MEGF6: variants seen among roughly 807,000 people sequenced by gnomAD.
MEGF6 encodes the protein multiple epidermal growth factor-like domains protein 6.
MEGF6 carries 184 observed loss-of-function variants against 207.1 expected under a neutral mutation model. The observed-to-expected ratio is 0.89, with a 90% CI of 0.79 to 1.00. MEGF6 has a LOEUF of 1.00. MEGF6 is among the 50% of genes least tolerant of loss of function. The pLI is 0.00. For missense variants in MEGF6, 2,282 were observed against 2,202.9 expected (o/e 1.04, Z -0.72); for synonymous variants, 1,038 against 910.0 (o/e 1.14, Z -2.53).
chr1:3,580,646 C>T (rs1002762813), intron 3 of MEGF6, among the ~76,000 whole-genome samples: 8 of 152,090 alleles, frequency 5.3e-5, no homozygotes. Flanking sequence ...CAGCAGGTGC[C>T]CCCCAGGCTG....
At chr1:3,616,718 CA>C in the MEGF6 span, among the ~76,000 whole-genome samples, 4 of 152,174 alleles carry the variant, frequency 2.6e-5, no homozygotes, top group African/African-American at 9.7e-5. Flanking sequence ...GAATTTGCCC[CA>C]AAAGAGAAAG....
chr1:3,548,875 C>A (rs1347326319), intron 4 of MEGF6, among the ~76,000 whole-genome samples: 2 of 152,164 alleles, frequency 1.3e-5, no homozygotes, highest in Admixed American at 6.5e-5. Context: ...CTTCAGGGAC[C>A]CCCCCACACC....
intron 9 of MEGF6, 61 bp downstream of exon 9, chr1:3,511,488 AC>A (rs1641342200): frequency 6.5e-7 from 1 of 1,538,798 alleles, no homozygotes; most frequent in South Asian, 1.2e-5. Context: ...CTGATCCCAG[AC>A]CCAGGGCAGC....
At chr1:3,525,952 C>T (rs1304542128) in intron 4 of MEGF6, among the ~76,000 whole-genome samples, 23 of 152,206 alleles carry the variant, frequency 1.5e-4, no homozygotes, top group Admixed American at 1.5e-3. Context: ...GCTTCCTGGA[C>T]ACCTGTGTGT....
Position 3,560,495 on chromosome 1 carries a change from G to T in MEGF6, c.481+19330C>A, listed in dbSNP as rs1372354493. On this transcript the variant is annotated intron_variant, in intron 4 of 36. Transcript: ENST00000356575. The surrounding 1 kb of genome is among the most constrained non-coding windows in gnomAD (Gnocchi z 4.0). ...CTCCTTCCTCACCCCTGGCACCTCT[G>T]CTGTCTCTACGGTGTGGCCTTTCCC... Among the ~76,000 whole-genome samples the T allele has an allele frequency of 1.3e-5, 2 of 152,166 alleles. No homozygotes were observed. Among genetic ancestry groups the T allele is most frequent in the African/African-American group, 4.8e-5 (2 of 41,432 alleles).
chr1:3,506,113 T>C lies in MEGF6; in HGVS notation c.1913A>G (p.His638Arg), dbSNP rs1223368493. Residue 638 changes from histidine (H) to arginine (R), a missense_variant, in exon 15 of 37, where the codon CAC becomes CGC. His to Arg is a conservative substitution (Grantham distance 29, BLOSUM62 0). Transcript: ENST00000356575. ...CDPGLYGRFC[H>R]LTCPPWAFGP... is the part of the protein sequence containing the mutation. The stretch of plus-strand genomic sequence containing the variant: ...GAAGGGGCAGTGAGACTCACTGAGG[T>C]GGCAGAAGCGGCCGTAGAGCCCTGG... The C allele has an allele frequency of 3.1e-6, 5 of 1,591,180 alleles. No individual in the cohort carries two copies. The highest frequency in any genetic ancestry group is 4.3e-6 in the Non-Finnish European group (5 of 1,169,378).
rs190119812 is a variant in MEGF6, at chr1:3,494,239, G to A, written c.4130-115C>T. The A allele has an allele frequency of 1.5e-5, 22 of 1,468,618 alleles. 1 individual carries two copies. Among genetic ancestry groups the A allele is most frequent in the African/African-American group, 1.1e-4 (8 of 70,852 alleles). The allele number at this position is 1,468,618 out of a possible 1,614,324, so 91.0% of individuals were successfully genotyped here. ...GCCCGAGAAAAGCCCCCTCCTGCCCGTCCTCGTCCCTCCCCACTGCTGCTG... is the reference window on the plus strand; with the variant it reads ...GCCCGAGAAAAGCCCCCTCCTGCCCATCCTCGTCCCTCCCCACTGCTGCTG... On this transcript the variant is annotated intron_variant, in intron 32 of 36. Coordinates refer to ENST00000356575, the MANE Select transcript of MEGF6 (RefSeq NM_001409.4).
intron 4 of MEGF6, among the ~76,000 whole-genome samples, chr1:3,535,735 C>T (rs1642308089): frequency 6.6e-6 from 1 of 152,236 alleles, no homozygotes; most frequent in African/African-American, 2.4e-5. Flanking sequence ...TTCGCTAAGC[C>T]AGTTTCCAGA....
At position 3,497,134 on chromosome 1, in the gene MEGF6, G is replaced by T; in HGVS notation, c.3482-15C>A. ...GGGTGGGCAGGCTGGGTGGAGACAG[G>T]CAGGGTCGGTCCTGGCCCAGCCCCG... On this transcript the variant is annotated splice_polypyrimidine_tract_variant and intron_variant, in intron 27 of 36. Transcript: ENST00000356575. 1 of 1,568,060 alleles carries T rather than the reference G, an allele frequency of 6.4e-7. No individual in the cohort carries two copies.
chr1:3,538,696 C>CTGTGTGTG (rs57325073), intron 4 of MEGF6, among the ~76,000 whole-genome samples: 2,302 of 132,046 alleles, frequency 0.017, 43 homozygotes, highest in Admixed American at 0.027. Flanking sequence ...GAGCATGTGC[C>CTGTGTGTG]TGTGTGTGTG....
In MEGF6 at chr1:3,505,264, C is replaced by T. The variant is rs1307723731; in HGVS notation, c.2132G>A (p.Ser711Asn). Residue 711 changes from serine (S) to asparagine (N), a missense_variant, in exon 17 of 37, where the codon AGC (serine) becomes AAC (asparagine). By Grantham distance (46) the Ser-to-Asn change is conservative (BLOSUM62 1). Transcript: ENST00000356575. The part of the protein sequence containing the change: ...CPVGVACDSV[S>N]GECGKRCPAG... ...AGGACACCGCTTCCCACACTCGCCG[C>T]TCACGGAGTCACAGGCCACGCCCAC... The T allele has an allele frequency of 6.2e-7, 1 of 1,612,446 alleles. No homozygotes were observed. Among genetic ancestry groups the T allele is most frequent in the Non-Finnish European group, 8.5e-7 (1 of 1,179,884 alleles).
In MEGF6 at chr1:3,492,679, A is replaced by G. The variant is rs1241244795; in HGVS notation, c.4476T>C (p.Cys1492=). The G allele has an allele frequency of 1.2e-6, 2 of 1,612,504 alleles. No homozygotes were observed. Among genetic ancestry groups the G allele is most frequent in the African/African-American group, 2.7e-5 (2 of 74,886 alleles). The part of the protein sequence containing the change: ...GADCDPVSGQ[C]HCVDGYMGPT... ...GCCCCATGTAGCCATCCACACAGTG[A>G]CACTGCCCACTGACAGGGTCGCAGT... Residue 1492 remains cysteine (C), a synonymous_variant, in exon 35 of 37, where the codon TGT becomes TGC. Transcript: ENST00000356575.
intron 4 of MEGF6, among the ~76,000 whole-genome samples, chr1:3,548,528 G>T (rs1642788182): frequency 6.6e-6 from 1 of 152,234 alleles, no homozygotes; most frequent in Non-Finnish European, 1.5e-5. Context: ...TCAGAGCCAA[G>T]GTGCCCAGGG....
chr1:3,541,085 A>G (rs1371991284), intron 4 of MEGF6, among the ~76,000 whole-genome samples: 1 of 152,122 alleles, frequency 6.6e-6, no homozygotes, highest in Non-Finnish European at 1.5e-5. Flanking sequence ...GGGGCCCTGG[A>G]CTTCAAAGGG....
At chr1:3,562,163 G>C (rs1643221274) in intron 4 of MEGF6, among the ~76,000 whole-genome samples, 1 of 152,114 alleles carries the variant, frequency 6.6e-6, no homozygotes, top group South Asian at 2.1e-4. Flanking sequence ...GTCTCTTTTT[G>C]TGTCTCTCTC....
In MEGF6 at chr1:3,501,708, A is replaced by C. The variant is rs1340147735; in HGVS notation, c.2314+88T>G. ...TGCTATAGACGGGCCTGGGATCCGC[A>C]GGGCTGGGGCCCCCACAGTTCAGGG... On this transcript the variant is annotated intron_variant, in intron 18 of 36. Transcript: ENST00000356575. 4.0e-6 allele frequency: 6 copies of C among 1,502,034 alleles called. No individual in the cohort carries two copies. In the East Asian group the frequency reaches 1.2e-4, roughly 30 times the overall value. The allele number at this position is 1,502,034 out of a possible 1,614,324, so 93.0% of individuals were successfully genotyped here. A position where few individuals can be genotyped will look rare whatever the true frequency, so the allele number is the denominator to read the frequency against.
In MEGF6 at chr1:3,508,706, A is replaced by G; in HGVS notation, c.1529-17T>C. 6.2e-7 allele frequency: 1 copy of G among 1,611,926 alleles called. No homozygotes were observed. Among genetic ancestry groups the G allele is most frequent in the Non-Finnish European group, 8.5e-7 (1 of 1,179,260 alleles). ...CCAGGCAGACTGGGGGCAGACCAGG[A>G]TGGGGGGATTCAGAGCCTGACCCCT... On this transcript the variant is annotated splice_polypyrimidine_tract_variant and intron_variant, in intron 12 of 36. Coordinates refer to ENST00000356575, the MANE Select transcript of MEGF6 (RefSeq NM_001409.4).
chr1:3,539,016 G>T (rs1318261552), intron 4 of MEGF6, among the ~76,000 whole-genome samples: 3 of 152,218 alleles, frequency 2.0e-5, no homozygotes, highest in Admixed American at 6.5e-5. Context: ...GTGGCACTCA[G>T]CTGGCCTTTG....
intron 1 of MEGF6, among the ~76,000 whole-genome samples, chr1:3,602,826 C>A (rs569102522): frequency 6.6e-6 from 1 of 152,304 alleles, no homozygotes; most frequent in South Asian, 2.1e-4. Context: ...CAACATCCCC[C>A]ACGCATGGCC....
Sources: gnomAD v4.1 joint callset for allele counts (sites outside exome capture counted in the v4.1 genomes callset) on GRCh38, gnomAD v4.1.1 for gene constraint, Gnocchi (gnomAD v3.1) non-coding constraint, MANE v1.5 for transcripts, NCBI Gene and HGNC (gene_info 2026-07-23, HGNC 2026-07-21) for gene names.